The following FAM184B variants were observed in gnomAD, a reference collection of about 807,000 sequenced individuals.
The protein encoded by FAM184B is family with sequence similarity 184 member B, also known as protein FAM184B.
In FAM184B, 111 loss-of-function variants were observed where a neutral mutation model predicts 135.9. That is an observed-to-expected ratio of 0.82 (90% CI 0.70 to 0.96). FAM184B has a LOEUF of 0.96. FAM184B is among the 40% of genes least tolerant of loss of function. The pLI is 0.00. For synonymous variants in FAM184B, 552 were observed against 524.8 expected (o/e 1.05, Z -0.71); for missense variants, 1,375 against 1,323.9 (o/e 1.04, Z -0.60).
Position 17,705,633 on chromosome 4 carries a change from AG to A in FAM184B, c.1170+118del, listed in dbSNP as rs1717092278. The A allele has an allele frequency of 4.9e-6, 6 of 1,216,888 alleles. No individual in the cohort carries two copies. In the South Asian group the frequency reaches 6.2e-5, roughly 13 times the overall value. 75.4% of individuals were successfully genotyped at this position (1,216,888 alleles called of 1,614,324 possible). A position where few individuals can be genotyped will look rare whatever the true frequency, so the allele number is the denominator to read the frequency against. On this transcript the variant is annotated intron_variant, in intron 4 of 17. Transcript: ENST00000265018. ...GCTGGAATTCTACTCCAGGAACTAC[AG>A]GGTCTTCTGATTCCAAGTGGATCCA...
intron 1 of FAM184B, among the ~76,000 whole-genome samples, chr4:17,773,927 C>T (rs556867584): frequency 1.1e-4 from 17 of 152,316 alleles, no homozygotes; most frequent in Admixed American, 5.2e-4. Context: ...TGCTATCCCA[C>T]TCATTTTCTT....
At chr4:17,756,644 G>A (rs1353593609) in intron 1 of FAM184B, among the ~76,000 whole-genome samples, 2 of 152,160 alleles carry the variant, frequency 1.3e-5, no homozygotes, top group Non-Finnish European at 2.9e-5. Flanking sequence ...TGAAGATGGG[G>A]TTGGAGACAG....
At chr4:17,707,599 C>A (rs1398283786) in intron 3 of FAM184B, 50 bp downstream of exon 3, 1 of 1,545,508 alleles carries the variant, frequency 6.5e-7, no homozygotes, top group South Asian at 1.2e-5. Flanking sequence ...CCAGACCAAC[C>A]TGGCAGCTAA....
chr4:17,643,806 G>A (rs920383247), intron 12 of FAM184B, among the ~76,000 whole-genome samples: 8 of 152,212 alleles, frequency 5.3e-5, no homozygotes, highest in Admixed American at 1.3e-4. Context: ...ACAGGCACTG[G>A]TGGAGACCCT....
intron 1 of FAM184B, among the ~76,000 whole-genome samples, chr4:17,742,162 ATATATATTT>A (rs1430463516): frequency 0.055 from 183 of 3,298 alleles, 2 homozygotes; most frequent in Middle Eastern, 0.36. Context: ...ATATATATAT[ATATATATTT>A]TTTTTTTTTA....
intron 1 of FAM184B, among the ~76,000 whole-genome samples, chr4:17,721,406 A>AAAAAAAAAAAAAAAAAC (rs1560185395): frequency 1.2e-4 from 17 of 143,300 alleles, no homozygotes; most frequent in Non-Finnish European, 1.8e-4. Context: ...AAAAAAAAAA[A>AAAAAAAAAAAAAAAAAC]TCTCTTTGCC....
chr4:17,695,784 C>T (rs181953459), intron 5 of FAM184B, among the ~76,000 whole-genome samples: 3 of 152,216 alleles, frequency 2.0e-5, no homozygotes, highest in Admixed American at 6.5e-5. Flanking sequence ...CTTGATACAT[C>T]TGTTAGATGT....
chr4:17,730,049 C>G (rs535202971), intron 1 of FAM184B, among the ~76,000 whole-genome samples: 46 of 152,154 alleles, frequency 3.0e-4, no homozygotes, highest in African/African-American at 1.1e-3. Flanking sequence ...ACTAGAATAA[C>G]CAACACAGAG....
chr4:17,705,886 T>A lies in FAM184B; in HGVS notation c.1036A>T (p.Met346Leu), dbSNP rs1040612378. 1 of 1,552,182 alleles carries A rather than the reference T, an allele frequency of 6.4e-7. No homozygotes were observed. Among genetic ancestry groups the A allele is most frequent in the African/African-American group, 1.4e-5 (1 of 73,078 alleles). The change falls in exon 4 of 18, where the codon ATG becomes TTG. Residue 346 changes from methionine (M) to leucine (L), a missense_variant. Coordinates refer to ENST00000265018, the MANE Select transcript of FAM184B (RefSeq NM_015688.2). ...TTCTCTGAAACTAACTCAGTCTTCA[T>A]GGCATCTGCAAGCATACATTTCAGC... is the stretch of plus-strand genomic sequence containing the variant. ...ECRGTQQTDAMKTELVSENKV... is the reference protein window; with the variant it reads ...ECRGTQQTDALKTELVSENKV...
chr4:17,780,244 A>G (rs1719009235), intron 1 of FAM184B, among the ~76,000 whole-genome samples: 1 of 152,144 alleles, frequency 6.6e-6, no homozygotes, highest in African/African-American at 2.4e-5. Flanking sequence ...GAGGAAAGAG[A>G]GCATGTTCCA....
intron 7 of FAM184B, among the ~76,000 whole-genome samples, chr4:17,670,459 A>C (rs1716144019): frequency 6.6e-6 from 1 of 152,186 alleles, no homozygotes; most frequent in South Asian, 2.1e-4. Context: ...AAAGAATTCC[A>C]AATGTACTCT....
At chr4:17,738,044 T>C (rs1003568703) in intron 1 of FAM184B, among the ~76,000 whole-genome samples, 5 of 152,176 alleles carry the variant, frequency 3.3e-5, no homozygotes, top group Admixed American at 6.5e-5. Flanking sequence ...ATATCATCTG[T>C]AATAGACCCT....
At chr4:17,710,701 TGAA>T (rs1717246990) in intron 1 of FAM184B, among the ~76,000 whole-genome samples, 1 of 152,140 alleles carries the variant, frequency 6.6e-6, no homozygotes, top group East Asian at 1.9e-4. Flanking sequence ...CTTTGCTGTG[TGAA>T]GAACTGAATG....
chr4:17,632,401 A>G lies in FAM184B; in HGVS notation c.*131T>C. 2 of 723,944 alleles carry G rather than the reference A, an allele frequency of 2.8e-6. No individual in the cohort carries two copies. The highest frequency in any genetic ancestry group is 4.4e-6 in the Non-Finnish European group (2 of 451,664). 44.8% of individuals were successfully genotyped at this position (723,944 alleles called of 1,614,324 possible). A position where few individuals can be genotyped will look rare whatever the true frequency, so the allele number is the denominator to read the frequency against. On this transcript the variant is annotated 3_prime_UTR_variant, in exon 18 of 18. Transcript: ENST00000265018. ...AACAGTATGAAGTGTTAACGCCAAA[A>G]TTTGTTTTAGCTATCATATATAAAT...
chr4:17,778,952 T>C (rs1354236750), intron 1 of FAM184B, among the ~76,000 whole-genome samples: 1 of 152,178 alleles, frequency 6.6e-6, no homozygotes, highest in Non-Finnish European at 1.5e-5. Context: ...ATATACAAAG[T>C]TCTTTCATGG....
chr4:17,635,197 GA>G (rs1715089237), intron 15 of FAM184B, 84 bp from the exon 16 acceptor site: 2 of 1,062,826 alleles, frequency 1.9e-6, no homozygotes. Flanking sequence ...TGTGAGGGCA[GA>G]ATAGAGAAGG....
chr4:17,733,054 T>C (rs1717823446), intron 1 of FAM184B, among the ~76,000 whole-genome samples: 1 of 152,130 alleles, frequency 6.6e-6, no homozygotes, highest in South Asian at 2.1e-4. Flanking sequence ...ATAAATGTAA[T>C]CCAGCATATA....
At chr4:17,738,412 C>A (rs1560189811) in intron 1 of FAM184B, among the ~76,000 whole-genome samples, 1 of 152,122 alleles carries the variant, frequency 6.6e-6, no homozygotes, top group African/African-American at 2.4e-5. Flanking sequence ...GTATCATCAT[C>A]ATTATCATCA....
intron 12 of FAM184B, among the ~76,000 whole-genome samples, chr4:17,646,356 T>G (rs1005629049): frequency 1.3e-5 from 2 of 152,012 alleles, no homozygotes; most frequent in African/African-American, 4.8e-5. Flanking sequence ...TAGACTGGAT[T>G]AAGAAAATGT....
Sources: gnomAD v4.1 joint callset for allele counts (sites outside exome capture counted in the v4.1 genomes callset) on GRCh38, gnomAD v4.1.1 for gene constraint, MANE v1.5 for transcripts, NCBI Gene and HGNC (gene_info 2026-07-23, HGNC 2026-07-21) for gene names.